The following FAP variants were observed in gnomAD, a reference collection of about 807,000 sequenced individuals.
FAP encodes prolyl endopeptidase FAP.
Under a neutral mutation model 126.5 loss-of-function variants are expected in FAP, and 110 were observed. The observed-to-expected ratio is 0.87, with a 90% CI of 0.74 to 1.02. The LOEUF (loss-of-function observed/expected upper bound fraction) is 1.02, where lower values mean the gene tolerates loss of function less well. Ranked by LOEUF, FAP falls within the 50% of genes least tolerant of loss-of-function variation. The pLI is 0.00. For synonymous variants in FAP, 334 were observed against 297.3 expected, an observed-to-expected ratio of 1.12 and a Z score of -1.27; for missense variants, 919 against 909.2, an observed-to-expected ratio of 1.01 and a Z score of -0.14.
chr2:162,210,512 A>G (rs1488859757), intron 11 of FAP, among the ~76,000 whole-genome samples: 1 of 152,236 alleles, frequency 6.6e-6, no homozygotes, highest in Admixed American at 6.5e-5. Flanking sequence ...AATAAATAGC[A>G]TAGAGACCAG....
At position 162,198,784 on chromosome 2, in the gene FAP, C is replaced by T. The variant is rs751170815; in HGVS notation, c.1375G>A (p.Ala459Thr). ...QYYTASFSDY[A>T]KYYALVCYGP... ...TAGCAGACAAGTGCATAGTACTTGG[C>T]GTAGTCGCTGAAACTTGCTGTGTAA... Residue 459 changes from alanine (A) to threonine (T), a missense_variant, in exon 16 of 26, where the codon GCC becomes ACC. By Grantham distance (58) the Ala-to-Thr change is moderately conservative. Coordinates refer to ENST00000188790, the MANE Select transcript of FAP (RefSeq NM_004460.5). 93 of 1,613,912 alleles carry T rather than the reference C, an allele frequency of 5.8e-5. No homozygotes were observed. In the Middle Eastern group the frequency reaches 6.6e-4, roughly 11 times the overall value.
intron 12 of FAP, 96 bp from the exon 13 acceptor site, chr2:162,203,241 A>G: frequency 1.4e-6 from 1 of 708,068 alleles, no homozygotes; most frequent in Non-Finnish European, 2.4e-6. Context: ...GGTCATAGTT[A>G]TAGGAATCAG....
chr2:162,233,296 C>T (rs931727225), intron 2 of FAP, among the ~76,000 whole-genome samples: 1 of 152,066 alleles, frequency 6.6e-6, no homozygotes, highest in Non-Finnish European at 1.5e-5. Flanking sequence ...CCTTGACCTT[C>T]CTCTTCCTTA....
At chr2:162,179,245 GTT>G (rs10708873) in intron 21 of FAP, among the ~76,000 whole-genome samples, 4,644 of 108,874 alleles carry the variant, frequency 0.043, 111 homozygotes, top group East Asian at 0.22. Context: ...AACTTGACAG[GTT>G]TTTTTTTTTT....
Position 162,226,538 on chromosome 2 carries a change from GA to G in FAP, c.174del (p.Pro59GlnfsTer18). The G allele has an allele frequency of 1.9e-6, 3 of 1,566,652 alleles. No individual in the cohort carries two copies. The highest frequency in any genetic ancestry group is 2.6e-6 in the Non-Finnish European group (3 of 1,146,738). On this transcript the variant is annotated frameshift_variant, in exon 3 of 26. Coordinates refer to ENST00000188790, the MANE Select transcript of FAP (RefSeq NM_004460.5). LOFTEE classifies it high-confidence loss of function. ...ATGCACTTACCTGAAATCCAGTTTGGAAAAAATGTTTTATAAGAAAATGTTC... is the reference window on the plus strand; with the variant it reads ...ATGCACTTACCTGAAATCCAGTTTGGAAAAATGTTTTATAAGAAAATGTTC... ...LNGTFSYKTF[F>X]PNWISGQEYL...
intron 20 of FAP, among the ~76,000 whole-genome samples, chr2:162,184,260 G>A (rs1343326080): frequency 6.6e-6 from 1 of 152,092 alleles, no homozygotes; most frequent in Admixed American, 6.6e-5. Context: ...AGTGGAATGT[G>A]GCAAACTGGA....
chr2:162,173,391 A>G (rs943043768), intron 23 of FAP, among the ~76,000 whole-genome samples, 170 bp from the exon 24 acceptor site: 1 of 152,162 alleles, frequency 6.6e-6, no homozygotes, highest in South Asian at 2.1e-4. Context: ...CATTACTTCC[A>G]TCTGATTCTT....
chr2:162,192,222 T>C, intron 17 of FAP, among the ~76,000 whole-genome samples: 1 of 152,104 alleles, frequency 6.6e-6, no homozygotes, highest in Non-Finnish European at 1.5e-5. Context: ...AGACCTAATT[T>C]TGCTTTAATC....
intron 14 of FAP, among the ~76,000 whole-genome samples, chr2:162,201,975 T>C (rs1688516051): frequency 6.6e-6 from 1 of 152,114 alleles, no homozygotes. Context: ...CCAAAGAAAG[T>C]CCAAACACCT....
At chr2:162,235,219 G>C (rs993865105) in intron 2 of FAP, among the ~76,000 whole-genome samples, 27 of 140,030 alleles carry the variant, frequency 1.9e-4, no homozygotes, top group African/African-American at 7.0e-4. Context: ...GCTCCTGCAC[G>C]GCCTGAGCCT....
intron 21 of FAP, among the ~76,000 whole-genome samples, chr2:162,181,553 G>A (rs947493521): frequency 7.9e-5 from 12 of 152,122 alleles, no homozygotes; most frequent in African/African-American, 2.4e-4. Context: ...GGAATGCTCC[G>A]TTCCTCAGCT....
intron 22 of FAP, among the ~76,000 whole-genome samples, chr2:162,174,377 A>C (rs183210344): frequency 1.4e-3 from 219 of 152,308 alleles, no homozygotes; most frequent in Middle Eastern, 3.4e-3. Context: ...TTCCTTCCAA[A>C]TAATCATCCT....
At chr2:162,197,347 AG>A (rs1280738401) in intron 16 of FAP, among the ~76,000 whole-genome samples, 1 of 152,240 alleles carries the variant, frequency 6.6e-6, no homozygotes, top group Non-Finnish European at 1.5e-5. Context: ...CAGTATAGTT[AG>A]CTCAATGATA....
chr2:162,194,596 G>A, intron 17 of FAP, 105 bp downstream of exon 17: 2 of 944,176 alleles, frequency 2.1e-6, no homozygotes, highest in Admixed American at 3.6e-5. Flanking sequence ...TTCCATCGCA[G>A]TTCCCCTTGG....
chr2:162,222,387 T>A (rs1364281558), intron 6 of FAP, among the ~76,000 whole-genome samples: 1 of 152,244 alleles, frequency 6.6e-6, no homozygotes, highest in Non-Finnish European at 1.5e-5. Flanking sequence ...GGACTCAGAA[T>A]GCATTAGATG....
chr2:162,179,579 C>A lies in FAP; in HGVS notation c.1869+3835G>T, dbSNP rs534233005. ...ACAGACAAGACACAACATGGTAATT[C>A]CTATAAGAGAAATGCAAAGAGCTAC... On this transcript the variant is annotated intron_variant, in intron 21 of 25. Coordinates refer to ENST00000188790, the MANE Select transcript of FAP (RefSeq NM_004460.5). Among the ~76,000 whole-genome samples, 10 of 151,956 alleles carry A rather than the reference C, an allele frequency of 6.6e-5. No individual in the cohort carries two copies. In the South Asian group the frequency reaches 1.5e-3, roughly 22 times the overall value.
chr2:162,174,852 T>G lies in FAP; in HGVS notation c.1969+15A>C, dbSNP rs749761884. 1 of 1,555,762 alleles carries G rather than the reference T, an allele frequency of 6.4e-7. No individual in the cohort carries two copies. The highest frequency in any genetic ancestry group is 1.7e-5 in the Admixed American group (1 of 59,768). ...TTAAATGCTTTCACAGTAACATTAATGAATGTTTCCATACCGTAATATTCC... is the reference window on the plus strand; with the variant it reads ...TTAAATGCTTTCACAGTAACATTAAGGAATGTTTCCATACCGTAATATTCC... On this transcript the variant is annotated intron_variant, in intron 22 of 25. Coordinates refer to ENST00000188790, the MANE Select transcript of FAP (RefSeq NM_004460.5).
At chr2:162,192,730 C>T (rs2106231884) in intron 17 of FAP, among the ~76,000 whole-genome samples, 1 of 152,190 alleles carries the variant, frequency 6.6e-6, no homozygotes, top group Admixed American at 6.5e-5. Flanking sequence ...ACATTTAAAA[C>T]AAAATTCATC....
At chr2:162,211,151 C>T (rs1688918847) in intron 11 of FAP, among the ~76,000 whole-genome samples, 1 of 152,186 alleles carries the variant, frequency 6.6e-6, no homozygotes, top group Admixed American at 6.5e-5. Context: ...CCCATAAAAG[C>T]CTCTCTTACA....
Sources: allele counts gnomAD v4.1 joint callset (sites outside exome capture counted in the v4.1 genomes callset), GRCh38; gene constraint gnomAD v4.1.1; transcripts MANE v1.5; gene names NCBI Gene and HGNC (gene_info 2026-07-23, HGNC 2026-07-21).